GALNT2: variants seen among roughly 807,000 people sequenced by gnomAD.
The protein encoded by GALNT2 is polypeptide N-acetylgalactosaminyltransferase 2.
GALNT2 carries 31 observed loss-of-function variants against 81.4 expected under a neutral mutation model. The observed-to-expected ratio is 0.38, with a 90% CI of 0.29 to 0.51. The LOEUF is 0.51. Among genes scored for constraint, GALNT2 ranks in the 20% least tolerant of loss-of-function variants. The probability of loss-of-function intolerance (pLI) is 0.87; values close to 1 mark genes in which losing one functional copy is unlikely to be tolerated. For missense variants in GALNT2, 629 were observed against 765.7 expected, an observed-to-expected ratio of 0.82 and a Z score of 2.11; for synonymous variants, 303 against 287.4, an observed-to-expected ratio of 1.05 and a Z score of -0.55.
intron 1 of GALNT2, among the ~76,000 whole-genome samples, chr1:230,088,731 G>A (rs959491522): frequency 4.6e-5 from 7 of 152,094 alleles, no homozygotes; most frequent in Non-Finnish European, 1.0e-4. Context: ...TACAGACGGG[G>A]TTTCATTGTG....
intron 8 of GALNT2, among the ~76,000 whole-genome samples, 181 bp downstream of exon 8, chr1:230,246,331 C>T (rs1333258754): frequency 6.6e-6 from 1 of 152,186 alleles, no homozygotes; most frequent in Non-Finnish European, 1.5e-5. Flanking sequence ...AAAAAATAGG[C>T]TTGCTCCCTT....
intron 1 of GALNT2, among the ~76,000 whole-genome samples, chr1:230,173,564 A>G (rs1367646652): frequency 6.6e-6 from 1 of 152,202 alleles, no homozygotes; most frequent in Non-Finnish European, 1.5e-5. Context: ...AATTCTCTGC[A>G]ACTTTTGACC....
chr1:230,122,838 T>A (rs933795062), intron 1 of GALNT2, among the ~76,000 whole-genome samples: 1 of 152,186 alleles, frequency 6.6e-6, no homozygotes, highest in Non-Finnish European at 1.5e-5. Flanking sequence ...CTGCACGTAC[T>A]CCTGGGCGTT....
At chr1:230,227,051 AAG>A (rs200945935) in intron 3 of GALNT2, among the ~76,000 whole-genome samples, 5,463 of 152,252 alleles carry the variant, frequency 0.036, 291 homozygotes, top group East Asian at 0.2. Flanking sequence ...AGGTGTAAAA[AAG>A]CAGATATAAC....
chr1:230,074,268 T>C (rs1659466398), intron 1 of GALNT2, among the ~76,000 whole-genome samples: 1 of 152,156 alleles, frequency 6.6e-6, no homozygotes, highest in African/African-American at 2.4e-5. Context: ...AATTTTTAAA[T>C]TTTTTGTAGG....
chr1:230,184,935 G>A (rs1008014769), intron 2 of GALNT2, among the ~76,000 whole-genome samples: 2 of 150,524 alleles, frequency 1.3e-5, no homozygotes, highest in Non-Finnish European at 3.0e-5. Context: ...CATCTTTTTT[G>A]TCTTTGCATT....
intron 1 of GALNT2, among the ~76,000 whole-genome samples, chr1:230,143,931 G>T (rs532899688): frequency 6.6e-6 from 1 of 152,326 alleles, no homozygotes; most frequent in East Asian, 1.9e-4. Flanking sequence ...GGCTTTAATT[G>T]CTAACTTTTA....
At chr1:230,220,215 A>G (rs748165934) in intron 3 of GALNT2, among the ~76,000 whole-genome samples, 2 of 152,328 alleles carry the variant, frequency 1.3e-5, no homozygotes, top group African/African-American at 2.4e-5. Context: ...TTTTACTGCC[A>G]CATAATTCAG....
At position 230,203,287 on chromosome 1, in the gene GALNT2, AC is replaced by A; in HGVS notation, c.373del (p.Gln125SerfsTer17). 6.2e-7 allele frequency: 1 copy of A among 1,613,876 alleles called. No homozygotes were observed. Among genetic ancestry groups the A allele is most frequent in the South Asian group, 1.1e-5 (1 of 91,046 alleles). The stretch of plus-strand genomic sequence containing the variant: ...AGAGCCATCCCTGACACCCGGCATG[AC>A]CAGTAAGTACCCCACTAAGCACCTG... ...MDRAIPDTRH[D>X]QCQRKQWRVD... On this transcript the variant is annotated frameshift_variant and splice_region_variant, in exon 3 of 16. Coordinates refer to ENST00000366672, the MANE Select transcript of GALNT2 (RefSeq NM_004481.5). LOFTEE classifies it high-confidence loss of function.
At chr1:230,221,435 A>G (rs1213923207) in intron 3 of GALNT2, among the ~76,000 whole-genome samples, 1 of 152,230 alleles carries the variant, frequency 6.6e-6, no homozygotes, top group Non-Finnish European at 1.5e-5. Flanking sequence ...AATTTACTCA[A>G]TATATTGCTG....
chr1:230,191,557 G>A (rs1421806554), intron 2 of GALNT2, among the ~76,000 whole-genome samples: 1 of 152,220 alleles, frequency 6.6e-6, no homozygotes, highest in African/African-American at 2.4e-5. Context: ...ACCAACCCAG[G>A]TTGGAGTGCA....
chr1:230,164,119 A>G (rs759543657), intron 1 of GALNT2, among the ~76,000 whole-genome samples: 1 of 152,224 alleles, frequency 6.6e-6, no homozygotes, highest in Non-Finnish European at 1.5e-5. Context: ...CGTAACTGCA[A>G]TCGCACACGT....
intron 1 of GALNT2, among the ~76,000 whole-genome samples, chr1:230,119,132 T>G (rs1450104395): frequency 1.3e-5 from 2 of 152,260 alleles, no homozygotes; most frequent in African/African-American, 4.8e-5. Flanking sequence ...TACCTGTATT[T>G]ATAATTTTTC....
intron 1 of GALNT2, among the ~76,000 whole-genome samples, chr1:230,132,928 A>G (rs1470424886): frequency 6.6e-6 from 1 of 152,220 alleles, no homozygotes. Flanking sequence ...TTATAAAAAT[A>G]CAGCCTAGCA....
chr1:230,263,756 T>C (rs2102764225), intron 13 of GALNT2: 1 of 152,358 alleles, frequency 6.6e-6, no homozygotes, highest in East Asian at 1.9e-4. Flanking sequence ...GGCACATTCC[T>C]TATTCTAAAT....
In GALNT2 at chr1:230,262,635, T is replaced by C. The variant is rs1308246065; in HGVS notation, c.1199T>C (p.Val400Ala). The stretch of plus-strand genomic sequence containing the variant: ...TACAAAAATTTCTATTATGCAGCAG[T>C]GCCTTCTGCTAGAAACGTTCCTTAT... ...DEYKNFYYAA[V>A]PSARNVPYGN... Residue 400 changes from valine to alanine, a missense_variant, in exon 12 of 16, where the codon GTG becomes GCG. Val to Ala is a moderately conservative substitution (Grantham distance 64). Transcript: ENST00000366672. 2 of 1,613,882 alleles carry C rather than the reference T, an allele frequency of 1.2e-6. No homozygotes were observed. The highest frequency in any genetic ancestry group is 3.3e-5 in the Admixed American group (2 of 60,016).
At chr1:230,105,177 G>T (rs79013016) in intron 1 of GALNT2, among the ~76,000 whole-genome samples, 1 of 152,168 alleles carries the variant, frequency 6.6e-6, no homozygotes, top group Non-Finnish European at 1.5e-5. Flanking sequence ...TGTTAGAGAG[G>T]TGCTCAGACC....
intron 1 of GALNT2, among the ~76,000 whole-genome samples, chr1:230,069,257 G>GTTTTGT (rs1553309219): frequency 8.0e-6 from 1 of 124,842 alleles, no homozygotes; most frequent in African/African-American, 5.5e-5. Flanking sequence ...GTGATTCTTA[G>GTTTTGT]TTTGTTTTTT....
At chr1:230,160,238 A>G (rs1662388780) in intron 1 of GALNT2, among the ~76,000 whole-genome samples, 1 of 152,218 alleles carries the variant, frequency 6.6e-6, no homozygotes, top group South Asian at 2.1e-4. Flanking sequence ...TCAAACATGT[A>G]GGATGGGCCA....
Sources: gnomAD v4.1 joint callset for allele counts (sites outside exome capture counted in the v4.1 genomes callset) on GRCh38, gnomAD v4.1.1 for gene constraint, MANE v1.5 for transcripts, NCBI Gene and HGNC (gene_info 2026-07-23, HGNC 2026-07-21) for gene names.